CABLES2: variants seen among roughly 807,000 people sequenced by gnomAD.
The protein encoded by CABLES2 is CDK5 and ABL1 enzyme substrate 2.
In CABLES2, 35 loss-of-function variants were observed where a neutral mutation model predicts 44.8. That is an observed-to-expected ratio of 0.78 (90% confidence interval 0.60 to 1.04). The LOEUF is 1.04. CABLES2 is among the 50% of genes least tolerant of loss of function. The probability of loss-of-function intolerance (pLI) is 0.00; values close to 1 mark genes in which losing one functional copy is unlikely to be tolerated. For missense variants in CABLES2, 566 were observed against 615.7 expected (o/e 0.92, Z 0.85); for synonymous variants, 282 against 281.1 (o/e 1.00, Z -0.03).
chr20:62,406,421 CAG>C (rs1377512525), intron 1 of CABLES2, among the ~76,000 whole-genome samples: 1 of 145,148 alleles, frequency 6.9e-6, no homozygotes, highest in Non-Finnish European at 1.5e-5. Context: ...CTGGGGGTCT[CAG>C]GGGTAATAAG....
intron 1 of CABLES2, among the ~76,000 whole-genome samples, chr20:62,397,417 G>C (rs1300001902): frequency 6.6e-6 from 1 of 152,180 alleles, no homozygotes; most frequent in Non-Finnish European, 1.5e-5. Context: ...GACTTCAGGA[G>C]TCTCCCAGGT....
In CABLES2 at chr20:62,388,901, G is replaced by A. The variant is rs146780044; in HGVS notation, c.*2070C>T. 27 of 196,642 alleles carry A rather than the reference G, an allele frequency of 1.4e-4. No homozygotes were observed. Among genetic ancestry groups the A allele is most frequent in the African/African-American group, 6.1e-4 (26 of 42,474 alleles). 12.2% of individuals were successfully genotyped at this position (196,642 alleles called of 1,614,324 possible). A position where few individuals can be genotyped will look rare whatever the true frequency, so the allele number is the denominator to read the frequency against. On this transcript the variant is annotated 3_prime_UTR_variant, in exon 10 of 10. Transcript: ENST00000279101. ...TACTGGCTTTGTTGCAATAATCCTC[G>A]AATACCACACAGTGGCAGCTTTTGG... is the stretch of plus-strand genomic sequence containing the variant.
chr20:62,392,661 C>G (rs563736349), intron 7 of CABLES2, among the ~76,000 whole-genome samples, 166 bp from the exon 8 acceptor site: 2 of 152,338 alleles, frequency 1.3e-5, no homozygotes, highest in South Asian at 4.1e-4. Flanking sequence ...AGAGAGAACT[C>G]CAGAGCCCAT....
In CABLES2 at chr20:62,390,792, G is replaced by C. The variant is rs373533272; in HGVS notation, c.*179C>G. The C allele has an allele frequency of 2.4e-4, 154 of 653,400 alleles. 2 individuals are homozygous for C. Among genetic ancestry groups the C allele is most frequent in the African/African-American group, 2.3e-3 (125 of 55,218 alleles). The allele number at this position is 653,400 out of a possible 1,614,324, so 40.5% of individuals were successfully genotyped here. ...GGACGGTGCACTTGGGGATGAAAGC[G>C]ACGTCTCTTTCCAAGGAAATGGCAA... On this transcript the variant is annotated 3_prime_UTR_variant, in exon 10 of 10. Coordinates refer to ENST00000279101, the MANE Select transcript of CABLES2 (RefSeq NM_031215.3).
Position 62,395,001 on chromosome 20 carries a change from A to C in CABLES2, c.541T>G (p.Cys181Gly). The change falls in exon 4 of 10, where the codon TGT becomes GGT. Residue 181 changes from cysteine (C) to glycine (G), a missense_variant. By Grantham distance (159) the Cys-to-Gly change is radical. Transcript: ENST00000279101. ...DTRNSRIVLI[C>G]AKRSLCAAFS... is the part of the protein sequence containing the mutation. ...GCCGCGCACAGGGACCGCTTGGCACAGATGAGCACGATCCTGCAGGGGGAC... is the reference window on the plus strand; with the variant it reads ...GCCGCGCACAGGGACCGCTTGGCACCGATGAGCACGATCCTGCAGGGGGAC... 1 of 1,612,892 alleles carries C rather than the reference A, an allele frequency of 6.2e-7. No homozygotes were observed. The highest frequency in any genetic ancestry group is 8.5e-7 in the Non-Finnish European group (1 of 1,179,884).
At chr20:62,405,335 C>T (rs1044907814) in intron 1 of CABLES2, 2 of 152,408 alleles carry the variant, frequency 1.3e-5, no homozygotes, top group African/African-American at 4.8e-5. Context: ...TCCATCTCTC[C>T]CGCCTTCCTG....
chr20:62,396,593 C>G lies in CABLES2; in HGVS notation c.363-1G>C. ...GCAGCGCTGGGACGTGACTCGCTTC[C>G]TGCAAGATGACAATGGAGCCTCAAA... is the stretch of plus-strand genomic sequence containing the variant. On this transcript the variant is annotated splice_acceptor_variant, in intron 1 of 9. Coordinates refer to ENST00000279101, the MANE Select transcript of CABLES2 (RefSeq NM_031215.3). LOFTEE classifies it high-confidence loss of function. This position sits in a 1 kb window ranked among gnomAD's most constrained non-coding sequence, Gnocchi z 5.7. The G allele has an allele frequency of 1.2e-6, 2 of 1,610,660 alleles. No homozygotes were observed. Among genetic ancestry groups the G allele is most frequent in the Non-Finnish European group, 1.7e-6 (2 of 1,178,832 alleles).
intron 1 of CABLES2, among the ~76,000 whole-genome samples, chr20:62,397,962 A>ATGG (rs1195183811): frequency 2.7e-5 from 2 of 75,142 alleles, no homozygotes; most frequent in East Asian, 2.7e-4. Context: ...AGTGGTGGTG[A>ATGG]TGGTGGTGAC....
At chr20:62,398,140 T>G (rs1421775031) in intron 1 of CABLES2, among the ~76,000 whole-genome samples, 1 of 134,542 alleles carries the variant, frequency 7.4e-6, no homozygotes, top group Non-Finnish European at 1.6e-5. Flanking sequence ...ACGGTGGTGA[T>G]GGTGGTGGTG....
chr20:62,388,755 T>G lies in CABLES2; in HGVS notation c.*2216A>C. 2.0e-6 allele frequency: 1 copy of G among 497,452 alleles called. No individual in the cohort carries two copies. Among genetic ancestry groups the G allele is most frequent in the Non-Finnish European group, 3.6e-6 (1 of 278,110 alleles). The allele number at this position is 497,452 out of a possible 1,614,324, so 30.8% of individuals were successfully genotyped here. On this transcript the variant is annotated 3_prime_UTR_variant, in exon 10 of 10. Coordinates refer to ENST00000279101, the MANE Select transcript of CABLES2 (RefSeq NM_031215.3). ...TATGCACACTGACATCCACAACTGCTACCGGTGCGGAAGCAACGCCAGGCC... is the reference window on the plus strand; with the variant it reads ...TATGCACACTGACATCCACAACTGCGACCGGTGCGGAAGCAACGCCAGGCC...
intron 1 of CABLES2, among the ~76,000 whole-genome samples, chr20:62,398,277 T>TGATGGC (rs1392167390): frequency 2.2e-5 from 3 of 136,892 alleles, no homozygotes; most frequent in Non-Finnish European, 4.8e-5. Context: ...ATGGCGGTGG[T>TGATGGC]GGTGGTGGTG....
chr20:62,390,961 G>T lies in CABLES2; in HGVS notation c.*10C>A. On this transcript the variant is annotated 3_prime_UTR_variant, in exon 10 of 10. Transcript: ENST00000279101. Reference sequence around the variant, plus strand: ...CACCTCGGTGCCCTGAGCCTTCTGTGGGGCCTCTGCTAGAACTGCTGGGTG... The same window carrying T: ...CACCTCGGTGCCCTGAGCCTTCTGTTGGGCCTCTGCTAGAACTGCTGGGTG... 1 of 1,613,848 alleles carries T rather than the reference G, an allele frequency of 6.2e-7. No individual in the cohort carries two copies. Among genetic ancestry groups the T allele is most frequent in the Non-Finnish European group, 8.5e-7 (1 of 1,179,858 alleles).
chr20:62,406,672 T>C (rs1043702878), intron 1 of CABLES2, among the ~76,000 whole-genome samples: 5 of 38,380 alleles, frequency 1.3e-4, no homozygotes, highest in African/African-American at 1.1e-3. Flanking sequence ...GACCCCTGTG[T>C]CCTGGGTTGA....
intron 4 of CABLES2, among the ~76,000 whole-genome samples, chr20:62,394,617 C>T (rs573340561): frequency 6.6e-6 from 1 of 152,316 alleles, no homozygotes; most frequent in South Asian, 2.1e-4. Context: ...CTGTTTCCTC[C>T]TTCCCTGAAT....
At position 62,391,683 on chromosome 20, in the gene CABLES2, GC is replaced by G. The variant is rs1987922340; in HGVS notation, c.1092-231del. Among the ~76,000 whole-genome samples, 1 of 152,000 alleles carries G rather than the reference GC, an allele frequency of 6.6e-6. No homozygotes were observed. The highest frequency in any genetic ancestry group is 1.5e-5 in the Non-Finnish European group (1 of 68,002). On this transcript the variant is annotated intron_variant, in intron 8 of 9. Coordinates refer to ENST00000279101, the MANE Select transcript of CABLES2 (RefSeq NM_031215.3). This position sits in a 1 kb window ranked among gnomAD's most constrained non-coding sequence, Gnocchi z 5.7. ...TTGGCTTCCCCCGTCCCGTGGGTGG[GC>G]ACCCATGGCAGCTCCCACCTGTGCC... is the stretch of plus-strand genomic sequence containing the variant.
intron 1 of CABLES2, among the ~76,000 whole-genome samples, chr20:62,406,249 C>T (rs975885494): frequency 3.9e-5 from 6 of 152,126 alleles, no homozygotes; most frequent in Admixed American, 6.5e-5. Flanking sequence ...GTGACAGTGC[C>T]AGGAGGACCC....
Position 62,407,004 on chromosome 20 carries a change from G to A in CABLES2, c.273C>T (p.Thr91=), listed in dbSNP as rs1008976662. 14 of 1,186,498 alleles carry A rather than the reference G, an allele frequency of 1.2e-5. No individual in the cohort carries two copies. The African/African-American group carries it at 1.8e-4, about 15-fold the overall frequency. 73.5% of individuals were successfully genotyped at this position (1,186,498 alleles called of 1,614,324 possible). Residue 91 remains threonine (T), a synonymous_variant, in exon 1 of 10, where the codon ACC becomes ACT. Transcript: ENST00000279101. ...GCGCGGGGGTCCTGGCGGGCAGCCC[G>A]GTGGGGGGCTCCGGCGGCGGCGGCG... ...PPAPPPPEPP[T]GLPARTPAPQ...
intron 1 of CABLES2, among the ~76,000 whole-genome samples, chr20:62,401,983 A>G (rs1264269241): frequency 2.6e-5 from 4 of 152,194 alleles, no homozygotes; most frequent in Admixed American, 1.3e-4. Context: ...GGGCAAATGC[A>G]AGTTCTGCTG....
intron 3 of CABLES2, among the ~76,000 whole-genome samples, chr20:62,395,905 C>T (rs554488996): frequency 3.9e-5 from 6 of 152,340 alleles, no homozygotes; most frequent in Admixed American, 2.6e-4. Context: ...GTGCCAGCTG[C>T]GGCCCTCCGC....
Sources: allele counts gnomAD v4.1 joint callset (sites outside exome capture counted in the v4.1 genomes callset), GRCh38; gene constraint gnomAD v4.1.1; non-coding constraint Gnocchi (gnomAD v3.1); transcripts MANE v1.5; gene names NCBI Gene and HGNC (gene_info 2026-07-23, HGNC 2026-07-21).